Variants in GRPEL2 observed in about 807,000 individuals in gnomAD.
The protein encoded by GRPEL2 is grpE protein homolog 2, mitochondrial.
A neutral mutation model predicts 25.9 loss-of-function variants in GRPEL2; 18 were observed. That is an observed-to-expected ratio of 0.70 (90% CI 0.48 to 1.03). GRPEL2 has a LOEUF of 1.03. Among genes scored for constraint, GRPEL2 ranks in the 50% least tolerant of loss-of-function variants. The pLI is 0.00. For synonymous variants in GRPEL2, 106 were observed against 107.9 expected (o/e 0.98, Z 0.11); for missense variants, 247 against 276.2 (o/e 0.89, Z 0.75).
At position 149,351,018 on chromosome 5, in the gene GRPEL2, C is replaced by T. The variant is rs1299375253; in HGVS notation, c.414C>T (p.Leu138=). The T allele has an allele frequency of 1.2e-6, 2 of 1,614,220 alleles. No homozygotes were observed. Among genetic ancestry groups the T allele is most frequent in the Admixed American group, 1.7e-5 (1 of 60,024 alleles). Residue 138 remains leucine, a synonymous_variant, in exon 4 of 4, where the codon CTC becomes CTT. Transcript: ENST00000329271. The part of the protein sequence containing the change: ...SEESEPEDQK[L]TLEKVFRGLL... ...AATCGGAGCCTGAGGACCAAAAGCTCACTCTGGAGAAGGTCTTCCGAGGGT... is the reference window on the plus strand; with the variant it reads ...AATCGGAGCCTGAGGACCAAAAGCTTACTCTGGAGAAGGTCTTCCGAGGGT...
chr5:149,349,510 T>C lies in GRPEL2; in HGVS notation c.232-144T>C. On this transcript the variant is annotated intron_variant, in intron 2 of 3. Coordinates refer to ENST00000329271, the MANE Select transcript of GRPEL2 (RefSeq NM_152407.4). Reference sequence around the variant, plus strand: ...TTCTGCGTTGACTGGGGATTTGGAGTAGCTGATCTAAGATTTCTGTAACTC... The same window carrying C: ...TTCTGCGTTGACTGGGGATTTGGAGCAGCTGATCTAAGATTTCTGTAACTC... 3 of 614,434 alleles carry C rather than the reference T, an allele frequency of 4.9e-6. No homozygotes were observed. In the South Asian group the frequency reaches 6.2e-5, roughly 13 times the overall value. 38.1% of individuals were successfully genotyped at this position (614,434 alleles called of 1,614,324 possible). A position where few individuals can be genotyped will look rare whatever the true frequency, so the allele number is the denominator to read the frequency against.
At chr5:149,350,767 A>G (rs2127610107) in intron 3 of GRPEL2, 151 bp from the exon 4 acceptor site, 1 of 745,966 alleles carries the variant, frequency 1.3e-6, no homozygotes, top group Non-Finnish European at 2.3e-6. Context: ...TGGGGTGGTA[A>G]TCAGTGATGA....
chr5:149,346,315 C>T (rs1757687160), intron 1 of GRPEL2, among the ~76,000 whole-genome samples: 1 of 152,108 alleles, frequency 6.6e-6, no homozygotes, highest in South Asian at 2.1e-4. Flanking sequence ...AGACTGTTGC[C>T]CCTACACTGT....
Position 149,351,417 on chromosome 5 carries a change from T to A in GRPEL2, c.*135T>A. ...GATTTAGTCATATTGGCTTTATTTCTAAGATATTCTATTGATTTAATGTGA... is the reference window on the plus strand; with the variant it reads ...GATTTAGTCATATTGGCTTTATTTCAAAGATATTCTATTGATTTAATGTGA... On this transcript the variant is annotated 3_prime_UTR_variant, in exon 4 of 4. Transcript: ENST00000329271. 1.1e-6 allele frequency: 1 copy of A among 927,800 alleles called. No individual in the cohort carries two copies. Among genetic ancestry groups the A allele is most frequent in the Non-Finnish European group, 1.6e-6 (1 of 631,768 alleles). The allele number at this position is 927,800 out of a possible 1,614,324, so 57.5% of individuals were successfully genotyped here.
intron 1 of GRPEL2, 128 bp downstream of exon 1, chr5:149,345,744 C>G: frequency 2.7e-6 from 2 of 743,172 alleles, no homozygotes; most frequent in Admixed American, 5.3e-5. Context: ...TTCTCGGCCT[C>G]TACGACCGTG....
In GRPEL2 at chr5:149,345,665, A is replaced by C. The variant is rs1321359782; in HGVS notation, c.77+49A>C. The stretch of plus-strand genomic sequence containing the variant: ...GGGAGCGTGAGGACTCTGAGGGGCT[A>C]GCGAGCCAGCCGGGGTGGTTGTGGG... On this transcript the variant is annotated intron_variant, in intron 1 of 3. Transcript: ENST00000329271. 3 of 1,450,940 alleles carry C rather than the reference A, an allele frequency of 2.1e-6. No individual in the cohort carries two copies. In the Admixed American group the frequency reaches 5.8e-5, roughly 28 times the overall value. The allele number at this position is 1,450,940 out of a possible 1,614,324, so 89.9% of individuals were successfully genotyped here. A position where few individuals can be genotyped will look rare whatever the true frequency, so the allele number is the denominator to read the frequency against.
chr5:149,348,393 G>C lies in GRPEL2; in HGVS notation c.199G>C (p.Val67Leu). 6.2e-7 allele frequency: 1 copy of C among 1,611,238 alleles called. No homozygotes were observed. The change falls in exon 2 of 4, where the codon GTT (valine) becomes CTT (leucine). Residue 67 changes from valine (V) to leucine (L), a missense_variant. Coordinates refer to ENST00000329271, the MANE Select transcript of GRPEL2 (RefSeq NM_152407.4). ...TGAACGAGCCTTAAGGGTAAAAGCT[G>C]TTAAACTGGAGAAAGAAGTCCAAGA... ...LAERALRVKA[V>L]KLEKEVQDLT...
At chr5:149,349,133 T>C (rs1757736041) in intron 2 of GRPEL2, among the ~76,000 whole-genome samples, 1 of 152,106 alleles carries the variant, frequency 6.6e-6, no homozygotes, top group Non-Finnish European at 1.5e-5. Flanking sequence ...ATAGCTGGGA[T>C]TACAGGTGCC....
rs1381416893 is a variant in GRPEL2, at chr5:149,353,833, T to A, written c.*2551T>A. 1 of 152,188 alleles carries A rather than the reference T, an allele frequency of 6.6e-6. No individual in the cohort carries two copies. Among genetic ancestry groups the A allele is most frequent in the Non-Finnish European group, 1.5e-5 (1 of 68,040 alleles). The allele number at this position is 152,188 out of a possible 1,614,324, so 9.4% of individuals were successfully genotyped here. On this transcript the variant is annotated 3_prime_UTR_variant, in exon 4 of 4. Transcript: ENST00000329271. ...GCTTTGGGGAGCCAAAGCAGCATAT[T>A]AGAGCATAGGCTTGAACTTAAATCT...
In GRPEL2 at chr5:149,345,545, C is replaced by T. The variant is rs560530015; in HGVS notation, c.6C>T (p.Ala2=). 50 of 1,611,064 alleles carry T rather than the reference C, an allele frequency of 3.1e-5. No homozygotes were observed. In the African/African-American group the frequency reaches 3.2e-4, roughly 10 times the overall value. Residue 2 remains alanine (A), a synonymous_variant, in exon 1 of 4, where the codon GCC becomes GCT. Transcript: ENST00000329271. M[A]VRSLWAGRLR... is the part of the protein sequence containing the mutation. ...TCTCAGCCCAAATTGGAAACATGGC[C>T]GTACGGTCGCTGTGGGCGGGCCGGC...
Position 149,351,161 on chromosome 5 carries a change from C to T in GRPEL2, c.557C>T (p.Ala186Val). The T allele has an allele frequency of 6.2e-7, 1 of 1,614,086 alleles. No homozygotes were observed. Among genetic ancestry groups the T allele is most frequent in the Non-Finnish European group, 8.5e-7 (1 of 1,180,010 alleles). Residue 186 changes from alanine to valine, a missense_variant, in exon 4 of 4, where the codon GCT (alanine) becomes GTT (valine). This residue lies in a region of GRPEL2 where 122 missense variants were observed against 169.2 expected (regional missense o/e 0.72). Transcript: ENST00000329271. ...HEHELICHVP[A>V]GVGVQPGTVA... ...CATGAACTCATCTGTCATGTGCCAG[C>T]TGGTGTTGGGGTGCAGCCTGGCACC...
intron 3 of GRPEL2, 190 bp downstream of exon 3, chr5:149,349,925 T>C (rs1757750041): frequency 8.7e-6 from 5 of 575,286 alleles, no homozygotes; most frequent in Non-Finnish European, 1.5e-5. Context: ...GCGCCTGTAA[T>C]CCCAGCTACT....
chr5:149,347,830 C>T (rs1341750087), intron 1 of GRPEL2, among the ~76,000 whole-genome samples: 1 of 152,272 alleles, frequency 6.6e-6, no homozygotes, highest in East Asian at 1.9e-4. Flanking sequence ...TGAACCAGAA[C>T]TATATGACTT....
chr5:149,346,049 A>C (rs150961035), intron 1 of GRPEL2, among the ~76,000 whole-genome samples: 9 of 152,306 alleles, frequency 5.9e-5, no homozygotes, highest in Non-Finnish European at 1.0e-4. Context: ...TTGTTTCTCC[A>C]AACGGCCATT....
In GRPEL2 at chr5:149,348,282, C is replaced by T. The variant is rs1561694639; in HGVS notation, c.88C>T (p.Leu30Phe). 6.3e-7 allele frequency: 1 copy of T among 1,595,786 alleles called. No homozygotes were observed. The highest frequency in any genetic ancestry group is 8.5e-7 in the Non-Finnish European group (1 of 1,175,392). ...TCCTTCCTGTTTTAGGGGATGGCCG[C>T]TTCCATTCAGCACTGCCACCCAGAG... is the stretch of plus-strand genomic sequence containing the variant. ...SAAWESKGWP[L>F]PFSTATQRTA... is the part of the protein sequence containing the mutation. The change falls in exon 2 of 4, where the codon CTT becomes TTT. Residue 30 changes from leucine to phenylalanine, a missense_variant. Transcript: ENST00000329271.
In GRPEL2 at chr5:149,348,297, G is replaced by T. The variant is rs1410301132; in HGVS notation, c.103G>T (p.Ala35Ser). The T allele has an allele frequency of 3.7e-6, 6 of 1,609,324 alleles. No homozygotes were observed. Among genetic ancestry groups the T allele is most frequent in the Non-Finnish European group, 5.1e-6 (6 of 1,178,858 alleles). ...GGGATGGCCGCTTCCATTCAGCACT[G>T]CCACCCAGAGAACTGCTGGTGAGGA... ...SKGWPLPFST[A>S]TQRTAGEDCR... Residue 35 changes from alanine (A) to serine (S), a missense_variant, in exon 2 of 4, where the codon GCC (alanine) becomes TCC (serine). Physicochemically the swap from Ala to Ser is moderately conservative, Grantham distance 99. Around this residue, in one of 2 missense-constraint regions of GRPEL2, gnomAD observed 125 missense variants for 107.0 expected, o/e 1.17. Coordinates refer to ENST00000329271, the MANE Select transcript of GRPEL2 (RefSeq NM_152407.4).
intron 1 of GRPEL2, among the ~76,000 whole-genome samples, chr5:149,347,119 G>T (rs1304145338): frequency 6.6e-6 from 1 of 152,116 alleles, no homozygotes; most frequent in Non-Finnish European, 1.5e-5. Flanking sequence ...CAGATCTACG[G>T]TGACCATATT....
In GRPEL2 at chr5:149,345,546, G is replaced by A. The variant is rs769970165; in HGVS notation, c.7G>A (p.Val3Ile). MAVRSLWAGRLRV... is the reference protein window; with the variant it reads MAIRSLWAGRLRV... ...CTCAGCCCAAATTGGAAACATGGCC[G>A]TACGGTCGCTGTGGGCGGGCCGGCT... The change falls in exon 1 of 4, where the codon GTA becomes ATA. Residue 3 changes from valine to isoleucine, a missense_variant. Val to Ile is a conservative substitution (Grantham distance 29). Around this residue, in one of 2 missense-constraint regions of GRPEL2, gnomAD observed 125 missense variants for 107.0 expected, o/e 1.17. Coordinates refer to ENST00000329271, the MANE Select transcript of GRPEL2 (RefSeq NM_152407.4). 4 of 1,610,836 alleles carry A rather than the reference G, an allele frequency of 2.5e-6. No homozygotes were observed. Among genetic ancestry groups the A allele is most frequent in the South Asian group, 1.1e-5 (1 of 90,304 alleles).
At chr5:149,350,298 G>A (rs1757755813) in intron 3 of GRPEL2, among the ~76,000 whole-genome samples, 2 of 152,280 alleles carry the variant, frequency 1.3e-5, no homozygotes, top group African/African-American at 4.8e-5. Flanking sequence ...CTTTTGTCTT[G>A]TAACAGTTCG....
Sources: allele counts gnomAD v4.1 joint callset (sites outside exome capture counted in the v4.1 genomes callset), GRCh38; gene constraint gnomAD v4.1.1; regional missense constraint gnomAD v4.1.1; transcripts MANE v1.5; gene names NCBI Gene and HGNC (gene_info 2026-07-23, HGNC 2026-07-21).